DYM: variants seen among roughly 807,000 people sequenced by gnomAD.
The protein encoded by DYM is dymeclin, also known as dyggve-Melchior-Clausen syndrome protein.
In DYM, 78 loss-of-function variants were observed where a neutral mutation model predicts 93.1. The observed-to-expected ratio is 0.84, with a 90% CI of 0.70 to 1.01. The LOEUF is 1.01. Ranked by LOEUF, DYM falls within the 50% of genes least tolerant of loss-of-function variation. The pLI is 0.00. For synonymous variants in DYM, 321 were observed against 319.7 expected (o/e 1.00, Z -0.04); for missense variants, 789 against 845.0 (o/e 0.93, Z 0.82).
chr18:49,312,513 C>A (rs969786008), intron 8 of DYM, among the ~76,000 whole-genome samples: 3 of 152,148 alleles, frequency 2.0e-5, no homozygotes, highest in Non-Finnish European at 4.4e-5. Context: ...CTGGACCCAG[C>A]CACACAGGGA....
intron 17 of DYM, among the ~76,000 whole-genome samples, chr18:49,050,645 G>A (rs185764492): frequency 1.3e-5 from 2 of 152,092 alleles, no homozygotes; most frequent in East Asian, 1.9e-4. Context: ...AGACAGCCCA[G>A]TAGGAAGCTC....
chr18:49,056,737 C>A (rs1020704062), intron 17 of DYM, among the ~76,000 whole-genome samples: 6 of 150,170 alleles, frequency 4.0e-5, no homozygotes, highest in Non-Finnish European at 8.9e-5. Context: ...TTAGTAGAGA[C>A]GGGGTTTCAC....
At chr18:49,083,277 T>C (rs1568392453) in intron 17 of DYM, among the ~76,000 whole-genome samples, 2 of 152,252 alleles carry the variant, frequency 1.3e-5, no homozygotes, top group African/African-American at 4.8e-5. Context: ...ATGTGGTTTG[T>C]CCTTTAGTCT....
At chr18:49,431,336 T>C (rs1249017261) in intron 1 of DYM, among the ~76,000 whole-genome samples, 1 of 152,220 alleles carries the variant, frequency 6.6e-6, no homozygotes, top group East Asian at 1.9e-4. Context: ...ACAGGAATTA[T>C]CTCATTCATC....
intron 17 of DYM, among the ~76,000 whole-genome samples, chr18:49,073,881 T>C (rs996746597): frequency 2.0e-5 from 3 of 152,194 alleles, no homozygotes; most frequent in African/African-American, 7.2e-5. Flanking sequence ...TTGGGTTGTG[T>C]CCAGGCCCAG....
At chr18:49,273,235 A>C (rs1020758366) in intron 10 of DYM, among the ~76,000 whole-genome samples, 3 of 152,124 alleles carry the variant, frequency 2.0e-5, no homozygotes, top group Non-Finnish European at 4.4e-5. Flanking sequence ...AACTTCCTCT[A>C]AATTATGAAG....
At chr18:49,314,914 C>T (rs939155239) in intron 8 of DYM, among the ~76,000 whole-genome samples, 2 of 152,114 alleles carry the variant, frequency 1.3e-5, no homozygotes, top group Non-Finnish European at 2.9e-5. Flanking sequence ...ACTAAGATTG[C>T]TTAAAGGCCA....
chr18:49,442,949 C>G (rs2081779203), intron 1 of DYM, among the ~76,000 whole-genome samples: 1 of 151,742 alleles, frequency 6.6e-6, no homozygotes, highest in Non-Finnish European at 1.5e-5. Flanking sequence ...CCTTTGCCTC[C>G]CGGGTTCAAG....
chr18:49,400,600 G>A (rs2070701748), intron 2 of DYM, among the ~76,000 whole-genome samples: 1 of 152,154 alleles, frequency 6.6e-6, no homozygotes, highest in Admixed American at 6.5e-5. Flanking sequence ...GAGTCATAGA[G>A]CTCTGTTTGT....
intron 3 of DYM, among the ~76,000 whole-genome samples, chr18:49,380,818 T>A (rs890060031): frequency 6.6e-6 from 1 of 152,174 alleles, no homozygotes; most frequent in Admixed American, 6.5e-5. Flanking sequence ...AACACAGTCT[T>A]TTTCCTTGAC....
intron 13 of DYM, among the ~76,000 whole-genome samples, chr18:49,223,958 G>A (rs2093445984): frequency 6.6e-6 from 1 of 152,064 alleles, no homozygotes; most frequent in African/African-American, 2.4e-5. Context: ...TATAGCAGAG[G>A]AGTCACAGGA....
At chr18:49,099,173 T>C (rs948894303) in intron 16 of DYM, among the ~76,000 whole-genome samples, 2 of 152,216 alleles carry the variant, frequency 1.3e-5, no homozygotes, top group African/African-American at 4.8e-5. Context: ...AAAAAGTAGA[T>C]AGATGTTACA....
intron 17 of DYM, among the ~76,000 whole-genome samples, chr18:49,087,556 T>C (rs357885): frequency 0.12 from 18,100 of 152,146 alleles, 1,466 homozygotes; most frequent in East Asian, 0.25. Context: ...AGCCATTGTA[T>C]GTTTACTGCA....
At chr18:49,308,182 A>G (rs2061380345) in intron 8 of DYM, among the ~76,000 whole-genome samples, 1 of 152,170 alleles carries the variant, frequency 6.6e-6, no homozygotes, top group Non-Finnish European at 1.5e-5. Flanking sequence ...TTTTTTTTAC[A>G]GAGACAGAAT....
At chr18:49,229,037 T>G (rs1426920392) in intron 13 of DYM, among the ~76,000 whole-genome samples, 1 of 151,736 alleles carries the variant, frequency 6.6e-6, no homozygotes, top group Non-Finnish European at 1.5e-5. Context: ...TAGTTGAAGA[T>G]GTAAAGTATA....
chr18:49,325,446 C>G (rs949775331), intron 8 of DYM, among the ~76,000 whole-genome samples: 1 of 152,122 alleles, frequency 6.6e-6, no homozygotes, highest in African/African-American at 2.4e-5. Flanking sequence ...CAATATGGTA[C>G]CAAGGACACA....
chr18:49,256,182 T>C (rs1228415380), intron 13 of DYM, among the ~76,000 whole-genome samples: 1 of 151,862 alleles, frequency 6.6e-6, no homozygotes. Flanking sequence ...AAAATGTCCA[T>C]GTCCTAATCC....
At chr18:49,287,669 C>A (rs1039637350) in intron 8 of DYM, among the ~76,000 whole-genome samples, 18 of 151,706 alleles carry the variant, frequency 1.2e-4, no homozygotes, top group African/African-American at 4.1e-4. Flanking sequence ...ATGGAGAAAC[C>A]CTGTCTCTAC....
At position 49,108,703 on chromosome 18, in the gene DYM, G is replaced by C. The variant is rs896209172; in HGVS notation, c.1911+10041C>G. On this transcript the variant is annotated intron_variant, in intron 16 of 17. Coordinates refer to ENST00000675505, the MANE Select transcript of DYM (RefSeq NM_001353214.3). The stretch of plus-strand genomic sequence containing the variant: ...TCACGTGCACTGATGTTGTTGGGTG[G>C]TATGTTCTATAAATGTGAACTCATC... Among the ~76,000 whole-genome samples the C allele has an allele frequency of 2.6e-5, 4 of 152,174 alleles. No homozygotes were observed. The East Asian group carries it at 7.7e-4, about 29-fold the overall frequency.
Sources: gnomAD v4.1 joint callset for allele counts (sites outside exome capture counted in the v4.1 genomes callset) on GRCh38, gnomAD v4.1.1 for gene constraint, MANE v1.5 for transcripts, NCBI Gene and HGNC (gene_info 2026-07-23, HGNC 2026-07-21) for gene names.